Variants in DNAH1 observed in about 807,000 individuals in gnomAD.
DNAH1 encodes the protein axonemal beta dynein heavy chain 1.
A neutral mutation model predicts 484.3 loss-of-function variants in DNAH1; 327 were observed. That is an observed-to-expected ratio of 0.68 (90% confidence interval 0.62 to 0.74). The LOEUF (loss-of-function observed/expected upper bound fraction) is 0.74, where lower values mean the gene tolerates loss of function less well. Among genes scored for constraint, DNAH1 ranks in the 30% least tolerant of loss-of-function variants. The pLI, the probability that DNAH1 is intolerant of heterozygous loss-of-function variation, is 0.00. For missense variants in DNAH1, 5,052 were observed against 5,546.8 expected, an observed-to-expected ratio of 0.91 and a Z score of 2.83; for synonymous variants, 2,192 against 2,191.9, an observed-to-expected ratio of 1.00 and a Z score of 0.00.
Position 52,361,380 on chromosome 3 carries a change from G to C in DNAH1, c.4874+28G>C. 1 of 1,535,216 alleles carries C rather than the reference G, an allele frequency of 6.5e-7. No homozygotes were observed. Among genetic ancestry groups the C allele is most frequent in the Non-Finnish European group, 8.8e-7 (1 of 1,137,412 alleles). ...GAGGCTGGGCATGAGCGTGGCACAGGATGGGGTGGGACAGCCTAGCTCTCC... is the reference window on the plus strand; with the variant it reads ...GAGGCTGGGCATGAGCGTGGCACAGCATGGGGTGGGACAGCCTAGCTCTCC... On this transcript the variant is annotated intron_variant, in intron 29 of 77. Transcript: ENST00000420323. The surrounding 1 kb of genome is among the most constrained non-coding windows in gnomAD (Gnocchi z 5.6).
Position 52,361,856 on chromosome 3 carries a change from T to C in DNAH1, c.4980+90T>C. 1 of 1,367,004 alleles carries C rather than the reference T, an allele frequency of 7.3e-7. No individual in the cohort carries two copies. The highest frequency in any genetic ancestry group is 2.5e-5 in the East Asian group (1 of 39,688). The allele number at this position is 1,367,004 out of a possible 1,614,324, so 84.7% of individuals were successfully genotyped here. On this transcript the variant is annotated intron_variant, in intron 30 of 77. Transcript: ENST00000420323. This position sits in a 1 kb window ranked among gnomAD's most constrained non-coding sequence, Gnocchi z 5.6. ...CATTGCAGGCTGAGAAGCCAGGCGC[T>C]AAGGTCCACCCTGGGTCCAGCCTCT...
In DNAH1 at chr3:52,396,738, C is replaced by T. The variant is rs751763171; in HGVS notation, c.11551C>T (p.Arg3851Cys). The T allele has an allele frequency of 1.5e-5, 24 of 1,613,634 alleles. No homozygotes were observed. Among genetic ancestry groups the T allele is most frequent in the Middle Eastern group, 1.6e-4 (1 of 6,080 alleles). The stretch of plus-strand genomic sequence containing the variant: ...CTATGAGTTCACGGATGGAGATCTG[C>T]GCATCTGCATCAGCCAGCTCAAGAT... Reference protein sequence around the residue: ...IPYEFTDGDLRICISQLKMFL... With the variant: ...IPYEFTDGDLCICISQLKMFL... Residue 3851 changes from arginine to cysteine, a missense_variant, in exon 72 of 78, where the codon CGC becomes TGC. Coordinates refer to ENST00000420323, the MANE Select transcript of DNAH1 (RefSeq NM_015512.5).
chr3:52,350,429 C>T (rs1227962930), intron 15 of DNAH1, 79 bp from the exon 16 acceptor site: 19 of 1,354,418 alleles, frequency 1.4e-5, no homozygotes, highest in African/African-American at 2.9e-5. Flanking sequence ...CTCTAGTACC[C>T]GTCTCTGGGG....
At position 52,388,244 on chromosome 3, in the gene DNAH1, C is replaced by G. The variant is rs754629618; in HGVS notation, c.9081C>G (p.Ala3027=). ...DNEEFQPATI[A]KVSKACTSIC... ...AAGAGTTCCAGCCAGCCACCATTGCCAAGGTGTCCAAGGCTTGCACCTCCA... is the reference window on the plus strand; with the variant it reads ...AAGAGTTCCAGCCAGCCACCATTGCGAAGGTGTCCAAGGCTTGCACCTCCA... The change falls in exon 57 of 78, where the codon GCC becomes GCG. Residue 3027 remains alanine (A), a synonymous_variant. Coordinates refer to ENST00000420323, the MANE Select transcript of DNAH1 (RefSeq NM_015512.5). The G allele has an allele frequency of 6.2e-7, 1 of 1,604,992 alleles. No individual in the cohort carries two copies. Among genetic ancestry groups the G allele is most frequent in the African/African-American group, 1.3e-5 (1 of 74,930 alleles).
Position 52,391,347 on chromosome 3 carries a change from T to C in DNAH1, c.9891+19T>C, listed in dbSNP as rs369106781. On this transcript the variant is annotated intron_variant, in intron 62 of 77. Coordinates refer to ENST00000420323, the MANE Select transcript of DNAH1 (RefSeq NM_015512.5). ...CAAGCAGGTGGGTCTGCAGTGGTGA[T>C]GGCAGGGTGGCAGTAGGCCTGGACA... 1 of 1,600,062 alleles carries C rather than the reference T, an allele frequency of 6.2e-7. No individual in the cohort carries two copies. Among genetic ancestry groups the C allele is most frequent in the East Asian group, 2.3e-5 (1 of 44,166 alleles).
chr3:52,370,866 C>T, intron 41 of DNAH1, 41 bp downstream of exon 41: 2 of 1,544,018 alleles, frequency 1.3e-6, no homozygotes, highest in Non-Finnish European at 1.8e-6. Context: ...AGGGAGGGAC[C>T]ACTGGGTGGC....
intron 41 of DNAH1, 131 bp downstream of exon 41, chr3:52,370,956 C>A: frequency 1.2e-6 from 1 of 826,104 alleles, no homozygotes; most frequent in Non-Finnish European, 1.9e-6. Flanking sequence ...CGGTTATTTG[C>A]ATCATCTCAT....
rs766272294 is a variant in DNAH1 at position 52,347,882 on chromosome 3, T to C, written c.2014T>C (p.Tyr672His). 1.9e-6 allele frequency: 3 copies of C among 1,607,080 alleles called. No homozygotes were observed. In the South Asian group the frequency reaches 3.3e-5, roughly 18 times the overall value. The part of the protein sequence containing the change: ...DLVLDSSGVH[Y>H]STPLEQFEAS... ...GGTGCTGGACAGCTCTGGGGTGCAC[T>C]ATAGCACCCCACTGGAGCAGTTTGA... The change falls in exon 12 of 78, where the codon TAT (tyrosine) becomes CAT (histidine). Residue 672 changes from tyrosine (Y) to histidine (H), a missense_variant. Tyr to His is a moderately conservative substitution (Grantham distance 83). Coordinates refer to ENST00000420323, the MANE Select transcript of DNAH1 (RefSeq NM_015512.5).
In DNAH1 at chr3:52,364,868, C is replaced by G; in HGVS notation, c.5367C>G (p.Asn1789Lys). Residue 1789 changes from asparagine (N) to lysine (K), a missense_variant, in exon 34 of 78, where the codon AAC becomes AAG. Transcript: ENST00000420323. This position sits in a 1 kb window ranked among gnomAD's most constrained non-coding sequence, Gnocchi z 4.2. ...LICLRAIRDV[N>K]VPKFLQEDLK... ...GCCTCCGGGCCATCCGTGATGTGAA[C>G]GTGCCCAAGTTCCTGCAGGAGGACC... 1 of 1,613,954 alleles carries G rather than the reference C, an allele frequency of 6.2e-7. No homozygotes were observed. The highest frequency in any genetic ancestry group is 8.5e-7 in the Non-Finnish European group (1 of 1,179,846).
In DNAH1 at chr3:52,396,815, T is replaced by C; in HGVS notation, c.11610+18T>C. 1 of 1,612,470 alleles carries C rather than the reference T, an allele frequency of 6.2e-7. No homozygotes were observed. Among genetic ancestry groups the C allele is most frequent in the Non-Finnish European group, 8.5e-7 (1 of 1,179,140 alleles). On this transcript the variant is annotated intron_variant, in intron 72 of 77. Coordinates refer to ENST00000420323, the MANE Select transcript of DNAH1 (RefSeq NM_015512.5). The stretch of plus-strand genomic sequence containing the variant: ...CCTACAAGGTGGGCCTGGGGCAGAC[T>C]GGGGCCTGGGGGACTGGGCACTTAG...
intron 16 of DNAH1, among the ~76,000 whole-genome samples, chr3:52,350,836 G>A (rs1702345494): frequency 6.6e-6 from 1 of 152,202 alleles, no homozygotes; most frequent in Non-Finnish European, 1.5e-5. Flanking sequence ...TCCTGTCAAT[G>A]GCCTGGCACA....
At chr3:52,313,805 A>G (rs959001364), upstream of DNAH1, among the ~76,000 whole-genome samples, 1 of 152,132 alleles carries the variant, frequency 6.6e-6, no homozygotes, top group Non-Finnish European at 1.5e-5. Flanking sequence ...TGGGGCAGGA[A>G]AAGTCTTGGT....
chr3:52,322,364 G>C, intron 1 of DNAH1, 45 bp from the exon 2 acceptor site: 1 of 1,407,906 alleles, frequency 7.1e-7, no homozygotes, highest in Non-Finnish European at 9.6e-7. Flanking sequence ...TCGGGGCTAA[G>C]ACAGAGGCTG....
chr3:52,330,232 G>C (rs1701493709), intron 6 of DNAH1, among the ~76,000 whole-genome samples: 1 of 152,196 alleles, frequency 6.6e-6, no homozygotes, highest in Non-Finnish European at 1.5e-5. Flanking sequence ...CAGGCCCAGG[G>C]ACACAGCTGT....
chr3:52,340,803 C>A (rs1045787164), intron 8 of DNAH1, among the ~76,000 whole-genome samples: 2 of 152,090 alleles, frequency 1.3e-5, no homozygotes, highest in Non-Finnish European at 2.9e-5. Context: ...TCTTAGACTG[C>A]CCTTGTTCTC....
upstream of DNAH1, among the ~76,000 whole-genome samples, chr3:52,311,989 T>C (rs940409401): frequency 1.3e-5 from 2 of 152,122 alleles, no homozygotes; most frequent in African/African-American, 4.8e-5. Context: ...CCCCCCAACC[T>C]GCTTCCCAGC....
chr3:52,383,286 A>G, intron 50 of DNAH1, 100 bp from the exon 51 acceptor site: 1 of 1,070,284 alleles, frequency 9.3e-7, no homozygotes, highest in Non-Finnish European at 1.4e-6. Context: ...CCTTAGTGGT[A>G]CAGTCTGTCA....
At position 52,400,464 on chromosome 3, in the gene DNAH1, G is replaced by A; in HGVS notation, c.*18G>A. The A allele has an allele frequency of 1.1e-5, 17 of 1,613,914 alleles. No individual in the cohort carries two copies. The highest frequency in any genetic ancestry group is 1.4e-5 in the Non-Finnish European group (17 of 1,179,790). On this transcript the variant is annotated 3_prime_UTR_variant, in exon 78 of 78. Coordinates refer to ENST00000420323, the MANE Select transcript of DNAH1 (RefSeq NM_015512.5). ...ACTACTAGACTCAGACAGAAGGGCT[G>A]GGGCCATTAAAGCTGAATTTTCTAA... is the stretch of plus-strand genomic sequence containing the variant.
rs1444728391 is a variant in DNAH1 at position 52,381,772 on chromosome 3, A to G, written c.7741A>G (p.Asn2581Asp). The part of the protein sequence containing the change: ...ISRTLRQALG[N>D]ALLLGVGGSG... ...CCGCACCCTACGCCAGGCGCTGGGCAATGCACTCCTGCTGGGCGTGGGTGG... is the reference window on the plus strand; with the variant it reads ...CCGCACCCTACGCCAGGCGCTGGGCGATGCACTCCTGCTGGGCGTGGGTGG... Residue 2581 changes from asparagine (N) to aspartate (D), a missense_variant, in exon 49 of 78, where the codon AAT (asparagine) becomes GAT (aspartate). By Grantham distance (23) the Asn-to-Asp change is conservative (BLOSUM62 1). Around this residue, in one of 4 missense-constraint regions of DNAH1, gnomAD observed 2,929 missense variants for 3,409.4 expected, o/e 0.86. Transcript: ENST00000420323. The surrounding 1 kb of genome is among the most constrained non-coding windows in gnomAD (Gnocchi z 4.1). 4 of 1,606,344 alleles carry G rather than the reference A, an allele frequency of 2.5e-6. No individual in the cohort carries two copies. In the East Asian group the frequency reaches 6.7e-5, roughly 27 times the overall value.
Sources: gnomAD v4.1 joint callset for allele counts (sites outside exome capture counted in the v4.1 genomes callset) on GRCh38, gnomAD v4.1.1 for gene constraint, gnomAD v4.1.1 regional missense constraint, Gnocchi (gnomAD v3.1) non-coding constraint, MANE v1.5 for transcripts, NCBI Gene and HGNC (gene_info 2026-07-23, HGNC 2026-07-21) for gene names.